TRPM3: variants seen among roughly 807,000 people sequenced by gnomAD.
TRPM3 encodes the protein transient receptor potential cation channel subfamily M member 3.
Under a neutral mutation model 181.2 loss-of-function variants are expected in TRPM3, and 77 were observed. The observed-to-expected ratio is 0.42, with a 90% CI of 0.35 to 0.51. The LOEUF (loss-of-function observed/expected upper bound fraction) is 0.51. Among genes scored for constraint, TRPM3 ranks in the 20% least tolerant of loss-of-function variants. The probability of loss-of-function intolerance (pLI) is 0.01; values close to 1 mark genes in which losing one functional copy is unlikely to be tolerated. For missense variants in TRPM3, 1,759 were observed against 2,196.7 expected, an observed-to-expected ratio of 0.80 and a Z score of 3.98; for synonymous variants, 745 against 796.4, an observed-to-expected ratio of 0.94 and a Z score of 1.09.
intron 1 of TRPM3, among the ~76,000 whole-genome samples, chr9:70,961,114 G>T (rs1656544846): frequency 6.6e-6 from 1 of 152,136 alleles, no homozygotes; most frequent in East Asian, 1.9e-4. Flanking sequence ...AATCACAAAG[G>T]TCCTTACAGA....
chr9:70,669,803 G>A (rs1204062955), intron 9 of TRPM3, among the ~76,000 whole-genome samples: 1 of 150,332 alleles, frequency 6.7e-6, no homozygotes, highest in East Asian at 2.0e-4. Context: ...GAATGCAGTG[G>A]TGTGATCACT....
chr9:70,851,584 T>C (rs1564584708), intron 3 of TRPM3, among the ~76,000 whole-genome samples: 1 of 152,228 alleles, frequency 6.6e-6, no homozygotes, highest in Non-Finnish European at 1.5e-5. Flanking sequence ...ATAGAACTAC[T>C]GAATATGTTG....
In TRPM3 at chr9:70,535,032, GT is replaced by G. The variant is rs5898149; in HGVS notation, c.*920del. The G allele has an allele frequency of 0.59, 81,881 of 139,642 alleles. 23,839 individuals carry two copies. Among genetic ancestry groups the G allele is most frequent in the East Asian group, 0.67 (3,228 of 4,822 alleles). 8.7% of individuals were successfully genotyped at this position (139,642 alleles called of 1,614,324 possible). ...CAATTTCAGGCTAGTTCTGTCCACT[GT>G]TTTTTTTTTTTTTTTTTTAAGTTCA... On this transcript the variant is annotated 3_prime_UTR_variant, in exon 26 of 26. Coordinates refer to ENST00000677713, the MANE Select transcript of TRPM3 (RefSeq NM_001366145.2).
chr9:70,947,647 G>T (rs915289554), intron 1 of TRPM3, among the ~76,000 whole-genome samples: 2 of 152,090 alleles, frequency 1.3e-5, no homozygotes, highest in Admixed American at 6.6e-5. Flanking sequence ...CAGAGAAGGT[G>T]GGGGGATGGA....
At chr9:71,299,479 G>A (rs1482321983) in intron 1 of TRPM3, among the ~76,000 whole-genome samples, 2 of 148,870 alleles carry the variant, frequency 1.3e-5, no homozygotes, top group African/African-American at 2.5e-5. Flanking sequence ...TTAGGAGGAA[G>A]AAGGAAAATA....
intron 1 of TRPM3, among the ~76,000 whole-genome samples, chr9:71,130,909 T>G (rs1468152769): frequency 6.6e-6 from 1 of 152,262 alleles, no homozygotes; most frequent in Non-Finnish European, 1.5e-5. Flanking sequence ...GCGTATGTTT[T>G]TCTTTGTACT....
At chr9:71,153,492 T>C (rs1358092656) in intron 1 of TRPM3, among the ~76,000 whole-genome samples, 2 of 151,976 alleles carry the variant, frequency 1.3e-5, no homozygotes, top group South Asian at 2.1e-4. Context: ...GGTTTTGCCA[T>C]GTTGGCCAGG....
chr9:70,808,471 G>A (rs1013857831), intron 6 of TRPM3, among the ~76,000 whole-genome samples: 1 of 152,190 alleles, frequency 6.6e-6, no homozygotes, highest in African/African-American at 2.4e-5. Context: ...AACATGACAA[G>A]TCAATACCAA....
chr9:70,659,092 T>G (rs1051524674), intron 9 of TRPM3, among the ~76,000 whole-genome samples: 9 of 152,162 alleles, frequency 5.9e-5, no homozygotes, highest in Non-Finnish European at 1.3e-4. Flanking sequence ...TCTTAACTTA[T>G]GGCAATACAG....
chr9:71,110,148 G>C (rs1038480918), intron 1 of TRPM3, among the ~76,000 whole-genome samples: 1 of 152,054 alleles, frequency 6.6e-6, no homozygotes, highest in African/African-American at 2.4e-5. Flanking sequence ...CTCAGACACT[G>C]AGCAGTTTCA....
At chr9:71,310,030 T>C (rs1338958536) in intron 1 of TRPM3, among the ~76,000 whole-genome samples, 1 of 152,102 alleles carries the variant, frequency 6.6e-6, no homozygotes, top group East Asian at 1.9e-4. Flanking sequence ...GCAAAAATCC[T>C]AAACTATGAA....
chr9:71,278,762 C>T (rs2084425667), intron 1 of TRPM3, among the ~76,000 whole-genome samples: 1 of 151,910 alleles, frequency 6.6e-6, no homozygotes, highest in African/African-American at 2.4e-5. Flanking sequence ...TCAGAAATAA[C>T]CTGGACATGT....
chr9:70,864,520 G>GAAAATAAAAAAA lies in TRPM3; in HGVS notation c.178-10_178-9insTTTTTTTATTTT. 2 of 386,934 alleles carry GAAAATAAAAAAA rather than the reference G, an allele frequency of 5.2e-6. No homozygotes were observed. The highest frequency in any genetic ancestry group is 6.9e-6 in the Non-Finnish European group (2 of 290,748). 24.0% of individuals were successfully genotyped at this position (386,934 alleles called of 1,614,324 possible). On this transcript the variant is annotated splice_polypyrimidine_tract_variant and intron_variant, in intron 1 of 25. Transcript: ENST00000677713. The stretch of plus-strand genomic sequence containing the variant: ...ATCCAGGATTTCTGAGCCTGAAAAA[G>GAAAATAAAAAAA]AAAACAAAAAAAAAAAAAAAAGAAA...
chr9:70,745,709 A>G lies in TRPM3; in HGVS notation c.1272+15892T>C, dbSNP rs75529713. Among the ~76,000 whole-genome samples the G allele has an allele frequency of 2.4e-3, 360 of 152,300 alleles. 2 individuals carry two copies. The highest frequency in any genetic ancestry group is 8.3e-3 in the African/African-American group (344 of 41,558). ...TCCTCTTATGACTATAAGTAGGCCA[A>G]TTGAGCTTGTTTTGTCATTGGTGTT... On this transcript the variant is annotated intron_variant, in intron 8 of 25. Transcript: ENST00000677713.
intron 1 of TRPM3, among the ~76,000 whole-genome samples, chr9:70,951,180 G>A (rs535980247): frequency 4.6e-5 from 7 of 152,078 alleles, no homozygotes; most frequent in South Asian, 2.1e-4. Context: ...TTTAAAATAC[G>A]AATTAGGAAT....
At chr9:71,203,347 A>G (rs371970917) in intron 1 of TRPM3, among the ~76,000 whole-genome samples, 111 of 152,162 alleles carry the variant, frequency 7.3e-4, no homozygotes, top group African/African-American at 2.5e-3. Context: ...CATATTCAAT[A>G]TTAGTGTTGT....
chr9:70,678,863 G>A lies in TRPM3; in HGVS notation c.1345+2643C>T, dbSNP rs1045745289. On this transcript the variant is annotated intron_variant, in intron 9 of 25. Coordinates refer to ENST00000677713, the MANE Select transcript of TRPM3 (RefSeq NM_001366145.2). Reference sequence around the variant, plus strand: ...CAATATAAGTAGGCTCTTGGCCTCCGAAGAAGCCAGCAAAAGTACTGTGCT... The same window carrying A: ...CAATATAAGTAGGCTCTTGGCCTCCAAAGAAGCCAGCAAAAGTACTGTGCT... 3.9e-5 allele frequency among the ~76,000 whole-genome samples: 6 copies of A among 152,316 alleles called. No individual in the cohort carries two copies. In the South Asian group the frequency reaches 6.2e-4, roughly 16 times the overall value.
intron 1 of TRPM3, among the ~76,000 whole-genome samples, chr9:70,883,952 A>G (rs2096042919): frequency 6.6e-6 from 1 of 152,160 alleles, no homozygotes; most frequent in Admixed American, 6.5e-5. Flanking sequence ...CGTTCTGTGT[A>G]TATCAGGGGC....
At chr9:70,603,243 G>T in intron 20 of TRPM3, 99 bp downstream of exon 20, 1 of 1,423,126 alleles carries the variant, frequency 7.0e-7, no homozygotes, top group South Asian at 1.4e-5. Flanking sequence ...AACAGTTTCC[G>T]GCTTAATTTG....
Sources: gnomAD v4.1 joint callset for allele counts (sites outside exome capture counted in the v4.1 genomes callset) on GRCh38, gnomAD v4.1.1 for gene constraint, MANE v1.5 for transcripts, NCBI Gene and HGNC (gene_info 2026-07-23, HGNC 2026-07-21) for gene names.